Variants in INPP5F observed in about 807,000 individuals in gnomAD.
INPP5F encodes inositol polyphosphate-5-phosphatase F, also known as phosphatidylinositide 4-phosphatase SAC2.
INPP5F carries 97 observed loss-of-function variants against 137.2 expected under a neutral mutation model. The ratio of observed to expected loss-of-function variants is 0.71; its 90% CI spans 0.60 to 0.84. The LOEUF (loss-of-function observed/expected upper bound fraction) is 0.84, where lower values mean the gene tolerates loss of function less well. Among genes scored for constraint, INPP5F ranks in the 40% least tolerant of loss-of-function variants. The pLI is 0.00. For synonymous variants in INPP5F, 504 were observed against 476.9 expected, an observed-to-expected ratio of 1.06 and a Z score of -0.74; for missense variants, 1,271 against 1,371.9, an observed-to-expected ratio of 0.93 and a Z score of 1.16.
chr10:119,776,686 T>TTGTG (rs142691417), intron 2 of INPP5F, among the ~76,000 whole-genome samples: 3 of 149,678 alleles, frequency 2.0e-5, no homozygotes, highest in Non-Finnish European at 3.0e-5. Flanking sequence ...GTATGTGTGT[T>TTGTG]TGTGTGTGTG....
intron 13 of INPP5F, among the ~76,000 whole-genome samples, chr10:119,809,358 T>C (rs2134252899): frequency 6.6e-6 from 1 of 152,260 alleles, no homozygotes; most frequent in Non-Finnish European, 1.5e-5. Context: ...GACTTGTTGC[T>C]CTACTAATAT....
intron 13 of INPP5F, among the ~76,000 whole-genome samples, 161 bp from the exon 14 acceptor site, chr10:119,809,939 T>C (rs1186814228): frequency 6.6e-6 from 1 of 152,304 alleles, no homozygotes; most frequent in East Asian, 1.9e-4. Context: ...AGAATACTAG[T>C]AGATATTTTA....
intron 15 of INPP5F, among the ~76,000 whole-genome samples, chr10:119,818,527 A>C (rs1416112597): frequency 6.6e-6 from 1 of 152,074 alleles, no homozygotes; most frequent in Non-Finnish European, 1.5e-5. Context: ...GCGCCAGCGA[A>C]CTCTCGCGGG....
At chr10:119,819,586 A>T in intron 15 of INPP5F, 1 of 1,476,196 alleles carries the variant, frequency 6.8e-7, no homozygotes, top group Admixed American at 1.9e-5. Flanking sequence ...GTTATTTGGT[A>T]TTATTCTCTA....
At position 119,726,211 on chromosome 10, in the gene INPP5F, C is replaced by A; in HGVS notation, c.-52C>A. 1.6e-6 allele frequency: 2 copies of A among 1,215,462 alleles called. No homozygotes were observed. Among genetic ancestry groups the A allele is most frequent in the South Asian group, 1.8e-5 (1 of 57,026 alleles). The allele number at this position is 1,215,462 out of a possible 1,614,324, so 75.3% of individuals were successfully genotyped here. A position where few individuals can be genotyped will look rare whatever the true frequency, so the allele number is the denominator to read the frequency against. ...CTCTGGCGGCCTCGACCGACTAGGA[C>A]GCCCCGTGCGCCGCCCGCGGGCCGC... On this transcript the variant is annotated 5_prime_UTR_variant, in exon 1 of 20. Coordinates refer to ENST00000650623, the MANE Select transcript of INPP5F (RefSeq NM_014937.4).
intron 1 of INPP5F, among the ~76,000 whole-genome samples, chr10:119,732,654 C>T (rs1265628597): frequency 6.6e-6 from 1 of 151,698 alleles, no homozygotes; most frequent in African/African-American, 2.4e-5. Flanking sequence ...GCTACTGCCA[C>T]CATGCCTGGC....
chr10:119,765,309 A>T (rs1340642913), intron 2 of INPP5F, among the ~76,000 whole-genome samples: 2 of 152,192 alleles, frequency 1.3e-5, no homozygotes, highest in East Asian at 3.8e-4. Flanking sequence ...TTATGTTATT[A>T]AGCTTCTAAT....
At chr10:119,807,095 AC>A (rs148969897) in intron 12 of INPP5F, among the ~76,000 whole-genome samples, 1 of 151,558 alleles carries the variant, frequency 6.6e-6, no homozygotes, top group Non-Finnish European at 1.5e-5. Context: ...AAATGGCGAG[AC>A]CCCCTGTCTA....
intron 11 of INPP5F, 137 bp from the exon 12 acceptor site, chr10:119,806,220 CAAT>C: frequency 5.9e-6 from 3 of 504,940 alleles, no homozygotes; most frequent in Middle Eastern, 5.3e-4. Flanking sequence ...ATAAATGACT[CAAT>C]AATGCATAGC....
Position 119,746,873 on chromosome 10 carries a change from C to T in INPP5F, c.98-4203C>T, listed in dbSNP as rs909897701. Among the ~76,000 whole-genome samples, 27 of 151,644 alleles carry T rather than the reference C, an allele frequency of 1.8e-4. 1 individual carries two copies. Among genetic ancestry groups the T allele is most frequent in the Admixed American group, 5.9e-4 (9 of 15,218 alleles). On this transcript the variant is annotated intron_variant, in intron 1 of 19. Transcript: ENST00000650623. Reference sequence around the variant, plus strand: ...ATGTAATCTCAGCTCACGGCAACCTCTACTTCCCGGATTCAAGCGATTCTT... The same window carrying T: ...ATGTAATCTCAGCTCACGGCAACCTTTACTTCCCGGATTCAAGCGATTCTT...
chr10:119,729,822 C>T (rs1025247071), intron 1 of INPP5F, among the ~76,000 whole-genome samples: 5 of 150,356 alleles, frequency 3.3e-5, no homozygotes, highest in Admixed American at 2.0e-4. Flanking sequence ...TGGGCTCAAG[C>T]GATCCTCCCA....
rs1396984169 is a variant in INPP5F at position 119,811,703 on chromosome 10, TA to T, written c.1688-49del. On this transcript the variant is annotated intron_variant, in intron 14 of 19. Coordinates refer to ENST00000650623, the MANE Select transcript of INPP5F (RefSeq NM_014937.4). ...AGGTCTTACATTCTCTTTTGTTTTT[TA>T]AAAATATATTAGTAAACTAAAATGA... The T allele has an allele frequency of 6.3e-6, 9 of 1,420,996 alleles. No individual in the cohort carries two copies. The African/African-American group carries it at 1.3e-4, about 21-fold the overall frequency. 88.0% of individuals were successfully genotyped at this position (1,420,996 alleles called of 1,614,324 possible).
In INPP5F at chr10:119,787,254, C is replaced by T. The variant is rs1849951027; in HGVS notation, c.316-4263C>T. On this transcript the variant is annotated intron_variant, in intron 3 of 19. Coordinates refer to ENST00000650623, the MANE Select transcript of INPP5F (RefSeq NM_014937.4). The surrounding 1 kb of genome is among the most constrained non-coding windows in gnomAD (Gnocchi z 4.1). ...AAGGGATGATGGGCTTATATTAACT[C>T]TGTTTCAAGCCCAGGATGAGGGTAG... Among the ~76,000 whole-genome samples the T allele has an allele frequency of 6.6e-6, 1 of 152,136 alleles. No individual in the cohort carries two copies. The highest frequency in any genetic ancestry group is 1.5e-5 in the Non-Finnish European group (1 of 68,018).
intron 2 of INPP5F, among the ~76,000 whole-genome samples, chr10:119,778,001 T>A (rs529876708): frequency 3.3e-5 from 5 of 152,068 alleles, no homozygotes; most frequent in Non-Finnish European, 2.9e-5. Flanking sequence ...CCTTTTTATT[T>A]TTATTATTTA....
chr10:119,792,096 G>A, intron 5 of INPP5F, 60 bp downstream of exon 5: 1 of 1,614,096 alleles, frequency 6.2e-7, no homozygotes, highest in South Asian at 1.1e-5. Flanking sequence ...GGCCTGTTTT[G>A]GCTTTTGTAG....
chr10:119,806,152 TTAAGA>T (rs1251158987), intron 11 of INPP5F, among the ~76,000 whole-genome samples: 2 of 152,100 alleles, frequency 1.3e-5, no homozygotes, highest in Non-Finnish European at 2.9e-5. Flanking sequence ...TTTTTTTTCC[TTAAGA>T]TGAGGATAAT....
At chr10:119,799,469 A>T (rs1248562304) in intron 9 of INPP5F, 1 of 219,110 alleles carries the variant, frequency 4.6e-6, no homozygotes, top group East Asian at 1.3e-4. Context: ...TCTCAATATT[A>T]AATAGATTTC....
intron 1 of INPP5F, among the ~76,000 whole-genome samples, chr10:119,740,969 T>C (rs1405175371): frequency 6.6e-6 from 1 of 152,236 alleles, no homozygotes; most frequent in Non-Finnish European, 1.5e-5. Context: ...ACATTTATTA[T>C]GTGACGGATG....
intron 2 of INPP5F, among the ~76,000 whole-genome samples, chr10:119,765,504 T>A (rs1849129478): frequency 6.6e-6 from 1 of 151,578 alleles, no homozygotes; most frequent in African/African-American, 2.4e-5. Flanking sequence ...CTTGAGTAGC[T>A]GGGACTACAG....
Sources: gnomAD v4.1 joint callset for allele counts (sites outside exome capture counted in the v4.1 genomes callset) on GRCh38, gnomAD v4.1.1 for gene constraint, Gnocchi (gnomAD v3.1) non-coding constraint, MANE v1.5 for transcripts, NCBI Gene and HGNC (gene_info 2026-07-23, HGNC 2026-07-21) for gene names.